HACE1: variants seen among roughly 807,000 people sequenced by gnomAD.
The protein encoded by HACE1 is HECT domain and ankyrin repeat containing E3 ubiquitin protein ligase 1.
In HACE1, 73 loss-of-function variants were observed where a neutral mutation model predicts 118.4. The ratio of observed to expected loss-of-function variants is 0.62; its 90% CI spans 0.51 to 0.75. HACE1 has a LOEUF of 0.75. Ranked by LOEUF, HACE1 falls within the 30% of genes least tolerant of loss-of-function variation. HACE1 has a pLI of 0.00. For synonymous variants in HACE1, 368 were observed against 374.8 expected, an observed-to-expected ratio of 0.98 and a Z score of 0.21; for missense variants, 749 against 1,102.2, an observed-to-expected ratio of 0.68 and a Z score of 4.54.
At chr6:104,793,265 T>C (rs1400049507) in intron 10 of HACE1, among the ~76,000 whole-genome samples, 3 of 80,520 alleles carry the variant, frequency 3.7e-5, no homozygotes, top group Non-Finnish European at 6.6e-5. Context: ...AGACTACATC[T>C]CAAAAAAAAA....
Position 104,825,341 on chromosome 6 carries a change from T to C in HACE1, c.534+7701A>G, listed in dbSNP as rs118112134. 1.4e-3 allele frequency among the ~76,000 whole-genome samples: 219 copies of C among 152,270 alleles called. 4 individuals carry two copies. In the East Asian group the frequency reaches 0.038, roughly 26 times the overall value. ...GATGGGAAATTGAAAGTACCACTGA[T>C]TGGTTGTAAAAAGCAACCAATCAGA... On this transcript the variant is annotated intron_variant, in intron 6 of 23. Transcript: ENST00000262903.
Position 104,840,008 on chromosome 6 carries a change from AAAAAT to A in HACE1, c.402+3210_402+3214del, listed in dbSNP as rs576006000. 4.6e-4 allele frequency among the ~76,000 whole-genome samples: 70 copies of A among 152,336 alleles called. No individual in the cohort carries two copies. The South Asian group carries it at 0.011, about 23-fold the overall frequency. ...GCAACAGAGCGAGACTCTGTCTCAAAAAAATAAAATAAAATAAAACTGAGGAAATC... is the reference window on the plus strand; with the variant it reads ...GCAACAGAGCGAGACTCTGTCTCAAAAAAATAAAATAAAACTGAGGAAATC... On this transcript the variant is annotated intron_variant, in intron 5 of 23. Transcript: ENST00000262903.
chr6:104,772,013 C>A lies in HACE1; in HGVS notation c.1926G>T (p.Arg642=). 6.2e-7 allele frequency: 1 copy of A among 1,609,918 alleles called. No homozygotes were observed. Among genetic ancestry groups the A allele is most frequent in the Non-Finnish European group, 8.5e-7 (1 of 1,176,418 alleles). Residue 642 remains arginine (R), a synonymous_variant, in exon 18 of 24, where the codon CGG becomes CGT. Transcript: ENST00000262903. The stretch of plus-strand genomic sequence containing the variant: ...CTAATCCCAAGATCTGCCCAGCAAA[C>A]CGAAAATAGTTCAAGTGATCAGGAT... ...YVNPDHLNYF[R]FAGQILGLAL...
chr6:104,832,493 A>T (rs1323178978), intron 6 of HACE1, among the ~76,000 whole-genome samples: 1 of 151,998 alleles, frequency 6.6e-6, no homozygotes, highest in Admixed American at 6.6e-5. Flanking sequence ...TGCTGAGCTC[A>T]AGCAATTCTC....
At chr6:104,770,160 T>G (rs1244165359) in intron 19 of HACE1, among the ~76,000 whole-genome samples, 2 of 152,180 alleles carry the variant, frequency 1.3e-5, no homozygotes, top group Admixed American at 1.3e-4. Flanking sequence ...TTCTTATAGT[T>G]AAATTGATTC....
intron 9 of HACE1, 45 bp downstream of exon 9, chr6:104,796,610 G>C (rs1287863004): frequency 2.1e-6 from 2 of 952,724 alleles, no homozygotes; most frequent in Non-Finnish European, 3.4e-6. Flanking sequence ...TGCTGAGCAG[G>C]AATAAAGCTT....
rs1782118570 is a variant in HACE1 at position 104,784,431 on chromosome 6, T to C, written c.1464A>G (p.Lys488=). 1 of 1,610,568 alleles carries C rather than the reference T, an allele frequency of 6.2e-7. No individual in the cohort carries two copies. Among genetic ancestry groups the C allele is most frequent in the East Asian group, 2.2e-5 (1 of 44,766 alleles). ...AGAAAGCTTACCTATTAACAAAGCATTTTAAAACTTCATCATGTTTGCAGA... is the reference window on the plus strand; with the variant it reads ...AGAAAGCTTACCTATTAACAAAGCACTTTAAAACTTCATCATGTTTGCAGA... The part of the protein sequence containing the change: ...EFVCKHDEVL[K]CFVNRNPKII... Residue 488 remains lysine, a synonymous_variant, in exon 13 of 24, where the codon AAA becomes AAG. Coordinates refer to ENST00000262903, the MANE Select transcript of HACE1 (RefSeq NM_020771.4).
chr6:104,801,520 G>A (rs761858926), intron 7 of HACE1, among the ~76,000 whole-genome samples: 7 of 152,112 alleles, frequency 4.6e-5, no homozygotes, highest in East Asian at 1.9e-4. Flanking sequence ...CGGATCTCTC[G>A]GCAGAAACTC....
intron 1 of HACE1, among the ~76,000 whole-genome samples, chr6:104,852,664 A>C (rs1475485623): frequency 6.6e-6 from 1 of 152,184 alleles, no homozygotes; most frequent in African/African-American, 2.4e-5. Context: ...TCCACCAAAA[A>C]ACAATTCTCT....
intron 5 of HACE1, among the ~76,000 whole-genome samples, chr6:104,839,887 T>G (rs1774925207): frequency 6.6e-6 from 1 of 152,102 alleles, no homozygotes; most frequent in African/African-American, 2.4e-5. Flanking sequence ...ACACCTGTGG[T>G]CCCAGCTACT....
Position 104,785,281 on chromosome 6 carries a change from T to G in HACE1, c.1113A>C (p.Leu371=). Residue 371 remains leucine, a synonymous_variant, in exon 12 of 24, where the codon CTA becomes CTC. Coordinates refer to ENST00000262903, the MANE Select transcript of HACE1 (RefSeq NM_020771.4). ...TCATCAATTCTGTGGCTATTAAAAC[T>G]AGCCATTCATCTAACGAGTGCCAAA... The part of the protein sequence containing the change: ...ELLWHSLDEW[L]VLIATELMKN... 6.2e-7 allele frequency: 1 copy of G among 1,611,254 alleles called. No homozygotes were observed. Among genetic ancestry groups the G allele is most frequent in the Non-Finnish European group, 8.5e-7 (1 of 1,177,764 alleles).
At chr6:104,828,566 T>C (rs548013190) in intron 6 of HACE1, among the ~76,000 whole-genome samples, 104 of 152,104 alleles carry the variant, frequency 6.8e-4, no homozygotes, top group African/African-American at 2.4e-3. Context: ...TAAGAAGTTG[T>C]TATGATTCCT....
chr6:104,764,295 C>A (rs1408239681), intron 19 of HACE1, among the ~76,000 whole-genome samples: 2 of 152,108 alleles, frequency 1.3e-5, no homozygotes, highest in African/African-American at 4.8e-5. Flanking sequence ...CCAGACTGGT[C>A]TGAAACTCCT....
intron 19 of HACE1, among the ~76,000 whole-genome samples, chr6:104,758,334 G>C (rs1778947584): frequency 6.6e-6 from 1 of 152,220 alleles, no homozygotes; most frequent in Non-Finnish European, 1.5e-5. Flanking sequence ...AAGCCCATCA[G>C]ACTATCAGCA....
intron 5 of HACE1, among the ~76,000 whole-genome samples, chr6:104,838,188 A>G (rs1774733142): frequency 6.6e-6 from 1 of 152,224 alleles, no homozygotes; most frequent in Admixed American, 6.5e-5. Context: ...GACATTCTTC[A>G]CAGAAACAGA....
intron 22 of HACE1, among the ~76,000 whole-genome samples, chr6:104,737,200 G>A (rs895781488): frequency 6.8e-5 from 10 of 147,678 alleles, no homozygotes; most frequent in African/African-American, 2.5e-4. Context: ...GCTGAGGCAG[G>A]AGAATCACTT....
chr6:104,737,969 A>T (rs1776119990), intron 22 of HACE1, among the ~76,000 whole-genome samples: 1 of 152,208 alleles, frequency 6.6e-6, no homozygotes, highest in Non-Finnish European at 1.5e-5. Context: ...CCCATCACGC[A>T]GCTGGAGATC....
rs1776064119 is a variant in HACE1, at chr6:104,850,199, C to T, written c.221+708G>A. Among the ~76,000 whole-genome samples the T allele has an allele frequency of 2.0e-5, 3 of 152,208 alleles. No individual in the cohort carries two copies. The South Asian group carries it at 6.2e-4, about 32-fold the overall frequency. On this transcript the variant is annotated intron_variant, in intron 3 of 23. Transcript: ENST00000262903. ...TCCTGACCTCAAGTGATCTACCCAC[C>T]TCAGCCTCCAAAAGTGCTGGGATTA...
chr6:104,755,836 C>T (rs1455485688), intron 19 of HACE1, among the ~76,000 whole-genome samples: 1 of 152,136 alleles, frequency 6.6e-6, no homozygotes, highest in Middle Eastern at 3.2e-3. Context: ...CTAGAAAGAT[C>T]TCAAGTTAAC....
Sources: gnomAD v4.1 joint callset for allele counts (sites outside exome capture counted in the v4.1 genomes callset) on GRCh38, gnomAD v4.1.1 for gene constraint, MANE v1.5 for transcripts, NCBI Gene and HGNC (gene_info 2026-07-23, HGNC 2026-07-21) for gene names.